TRIO: variants seen among roughly 807,000 people sequenced by gnomAD.
TRIO encodes trio Rho guanine nucleotide exchange factor, also known as triple functional domain protein.
In TRIO, 58 loss-of-function variants were observed where a neutral mutation model predicts 351.9. The observed-to-expected ratio is 0.16, with a 90% confidence interval of 0.13 to 0.21. The LOEUF (loss-of-function observed/expected upper bound fraction) is 0.21, where lower values mean the gene tolerates loss of function less well. Ranked by LOEUF, TRIO falls within the 10% of genes least tolerant of loss-of-function variation. The pLI is 1.00. For synonymous variants in TRIO, 1,758 were observed against 1,595.7 expected, an observed-to-expected ratio of 1.10 and a Z score of -2.42; for missense variants, 3,201 against 4,027.8, an observed-to-expected ratio of 0.79 and a Z score of 5.56.
intron 11 of TRIO, among the ~76,000 whole-genome samples, chr5:14,354,204 T>C (rs1579409228): frequency 6.6e-6 from 1 of 152,272 alleles, no homozygotes; most frequent in East Asian, 1.9e-4. Context: ...TTCAGGGCCC[T>C]GTTACGAGGT....
chr5:14,185,514 G>C (rs1050002916), intron 1 of TRIO, among the ~76,000 whole-genome samples: 6 of 152,192 alleles, frequency 3.9e-5, no homozygotes, highest in African/African-American at 1.4e-4. Flanking sequence ...GGAGCTGGCT[G>C]GATCCCTTGC....
At chr5:14,405,461 T>G (rs1380578750) in intron 31 of TRIO, among the ~76,000 whole-genome samples, 1 of 152,208 alleles carries the variant, frequency 6.6e-6, no homozygotes, top group Non-Finnish European at 1.5e-5. Flanking sequence ...TTGTTCAGTT[T>G]CCTGCTGGCA....
intron 3 of TRIO, among the ~76,000 whole-genome samples, chr5:14,285,598 G>T (rs906788046): frequency 1.3e-5 from 2 of 151,962 alleles, no homozygotes; most frequent in Non-Finnish European, 2.9e-5. Flanking sequence ...CATGAAATTG[G>T]TTTTAATTTT....
chr5:14,262,063 G>A (rs1420587689), intron 1 of TRIO, among the ~76,000 whole-genome samples: 1 of 152,240 alleles, frequency 6.6e-6, no homozygotes, highest in Non-Finnish European at 1.5e-5. Flanking sequence ...TTGCTATCTT[G>A]AGGTTTAACT....
chr5:14,304,724 T>A, intron 8 of TRIO, 132 bp downstream of exon 8: 1 of 1,064,360 alleles, frequency 9.4e-7, no homozygotes, highest in Non-Finnish European at 1.3e-6. Context: ...TGCAGTTTAA[T>A]TGTTTAGCAT....
intron 34 of TRIO, among the ~76,000 whole-genome samples, chr5:14,435,321 C>G (rs1418823106): frequency 6.6e-6 from 1 of 152,200 alleles, no homozygotes. Flanking sequence ...GAGCTCCTCC[C>G]CGCTGCAAAG....
chr5:14,261,863 G>T (rs555652346), intron 1 of TRIO, among the ~76,000 whole-genome samples: 1 of 152,284 alleles, frequency 6.6e-6, no homozygotes, highest in African/African-American at 2.4e-5. Context: ...TTAAAATATA[G>T]ATTGATTATA....
chr5:14,186,668 C>A (rs770694789), intron 1 of TRIO, among the ~76,000 whole-genome samples: 15 of 152,146 alleles, frequency 9.9e-5, no homozygotes, highest in Non-Finnish European at 1.5e-4. Context: ...GCCTCTGCCC[C>A]CCTGGTTCAA....
chr5:14,195,811 C>T (rs776348213), intron 1 of TRIO, among the ~76,000 whole-genome samples: 7 of 152,116 alleles, frequency 4.6e-5, no homozygotes, highest in Non-Finnish European at 7.3e-5. Context: ...CCAGGCTGGC[C>T]AGCGGGGACA....
chr5:14,373,015 C>A (rs1745252139), intron 18 of TRIO, among the ~76,000 whole-genome samples: 1 of 152,186 alleles, frequency 6.6e-6, no homozygotes, highest in Non-Finnish European at 1.5e-5. Context: ...ACACGTCCTT[C>A]TTCACATGGC....
chr5:14,153,597 C>T (rs960703922), intron 1 of TRIO, among the ~76,000 whole-genome samples: 1 of 152,184 alleles, frequency 6.6e-6, no homozygotes, highest in Non-Finnish European at 1.5e-5. Flanking sequence ...ATAGAAGCAG[C>T]TCCCCCTCCT....
chr5:14,342,641 C>A (rs1742044261), intron 11 of TRIO, among the ~76,000 whole-genome samples: 1 of 152,230 alleles, frequency 6.6e-6, no homozygotes, highest in Non-Finnish European at 1.5e-5. Flanking sequence ...ATCTCTTGTG[C>A]AAAGTTGTCT....
At chr5:14,302,569 G>C (rs945282322) in intron 7 of TRIO, among the ~76,000 whole-genome samples, 3 of 152,158 alleles carry the variant, frequency 2.0e-5, no homozygotes. Flanking sequence ...ACTTAATGCC[G>C]TATGAACTGG....
intron 27 of TRIO, among the ~76,000 whole-genome samples, chr5:14,393,658 G>T (rs889357960): frequency 2.0e-5 from 3 of 152,148 alleles, no homozygotes; most frequent in Admixed American, 1.3e-4. Flanking sequence ...CACAGACAGG[G>T]CCTGTCTTCA....
At chr5:14,191,132 A>T (rs976994036) in intron 1 of TRIO, among the ~76,000 whole-genome samples, 1 of 152,312 alleles carries the variant, frequency 6.6e-6, no homozygotes, top group South Asian at 2.1e-4. Flanking sequence ...TGTTCATTGC[A>T]TGGCTGGGTC....
intron 34 of TRIO, among the ~76,000 whole-genome samples, chr5:14,431,832 T>C (rs1203641254): frequency 6.6e-6 from 1 of 152,220 alleles, no homozygotes; most frequent in Non-Finnish European, 1.5e-5. Context: ...GGGGCCTCTG[T>C]CCTTGGCTTG....
intron 11 of TRIO, among the ~76,000 whole-genome samples, chr5:14,354,430 A>G (rs1579409771): frequency 6.6e-6 from 1 of 152,244 alleles, no homozygotes; most frequent in Admixed American, 6.5e-5. Flanking sequence ...GGCTCCTGCC[A>G]GCAGGGGACC....
At chr5:14,289,318 TAGGTTGC>T (rs1413472303) in intron 4 of TRIO, among the ~76,000 whole-genome samples, 1 of 150,798 alleles carries the variant, frequency 6.6e-6, no homozygotes, top group Admixed American at 6.6e-5. Flanking sequence ...TCGGAAGGTG[TAGGTTGC>T]AGTGAGCTGA....
chr5:14,273,005 G>A (rs1735171495), intron 2 of TRIO, among the ~76,000 whole-genome samples: 1 of 151,934 alleles, frequency 6.6e-6, no homozygotes. Flanking sequence ...GTGATTCAGT[G>A]GATTTTAGTG....
Sources: gnomAD v4.1 joint callset for allele counts (sites outside exome capture counted in the v4.1 genomes callset) on GRCh38, gnomAD v4.1.1 for gene constraint, MANE v1.5 for transcripts, NCBI Gene and HGNC (gene_info 2026-07-23, HGNC 2026-07-21) for gene names.